RPRD1B: variants seen among roughly 807,000 people sequenced by gnomAD.
The protein encoded by RPRD1B is regulation of nuclear pre-mRNA domain-containing protein 1B.
In RPRD1B, 11 loss-of-function variants were observed where a neutral mutation model predicts 41.5. The observed-to-expected ratio is 0.27, with a 90% CI of 0.17 to 0.44. RPRD1B has a LOEUF of 0.44. Among genes scored for constraint, RPRD1B ranks in the 20% least tolerant of loss-of-function variants. The pLI, the probability that RPRD1B is intolerant of heterozygous loss-of-function variation, is 1.00. For missense variants in RPRD1B, 248 were observed against 389.9 expected, an observed-to-expected ratio of 0.64 and a Z score of 3.06; for synonymous variants, 158 against 155.6, an observed-to-expected ratio of 1.02 and a Z score of -0.12.
chr20:38,047,009 G>A (rs1351614103), intron 2 of RPRD1B, among the ~76,000 whole-genome samples: 2 of 152,212 alleles, frequency 1.3e-5, no homozygotes, highest in Non-Finnish European at 1.5e-5. Flanking sequence ...TGAGGCTACT[G>A]TAGTAATGCA....
intron 6 of RPRD1B, among the ~76,000 whole-genome samples, chr20:38,076,922 T>C (rs1036305137): frequency 1.0e-4 from 12 of 117,340 alleles, no homozygotes; most frequent in Non-Finnish European, 2.2e-4. Flanking sequence ...TTTTTTTTTT[T>C]TTTTTTTTTT....
At chr20:38,040,140 T>A (rs1367934224) in intron 1 of RPRD1B, among the ~76,000 whole-genome samples, 1 of 152,258 alleles carries the variant, frequency 6.6e-6, no homozygotes, top group East Asian at 1.9e-4. Flanking sequence ...TAACACTGAC[T>A]GCTTATCCTT....
At chr20:38,040,318 C>T (rs1043480888) in intron 1 of RPRD1B, 117 bp from the exon 2 acceptor site, 5 of 664,624 alleles carry the variant, frequency 7.5e-6, no homozygotes, top group African/African-American at 5.7e-5. Context: ...ATCTACTTGA[C>T]CCCCCAGGTA....
At chr20:38,043,995 T>A (rs1448537744) in intron 2 of RPRD1B, among the ~76,000 whole-genome samples, 1 of 152,142 alleles carries the variant, frequency 6.6e-6, no homozygotes, top group African/African-American at 2.4e-5. Context: ...CCACATGATA[T>A]TTACTTATTG....
rs2074594298 is a variant in RPRD1B at position 38,089,591 on chromosome 20, T to TA, written c.832-134dup. 13 of 665,036 alleles carry TA rather than the reference T, an allele frequency of 2.0e-5. No homozygotes were observed. In the South Asian group the frequency reaches 3.1e-4, roughly 16 times the overall value. The allele number at this position is 665,036 out of a possible 1,614,324, so 41.2% of individuals were successfully genotyped here. A position where few individuals can be genotyped will look rare whatever the true frequency, so the allele number is the denominator to read the frequency against. On this transcript the variant is annotated intron_variant, in intron 6 of 6. Coordinates refer to ENST00000373433, the MANE Select transcript of RPRD1B (RefSeq NM_021215.4). ...AGCATTTGAAGCCCTAGCTTTGTGATATAGCTGAACAGGGTGGGCAGGCTG... is the reference window on the plus strand; with the variant it reads ...AGCATTTGAAGCCCTAGCTTTGTGATAATAGCTGAACAGGGTGGGCAGGCTG...
intron 6 of RPRD1B, among the ~76,000 whole-genome samples, chr20:38,069,949 C>A (rs2074395485): frequency 6.6e-6 from 1 of 152,144 alleles, no homozygotes; most frequent in Admixed American, 6.5e-5. Context: ...CATATTTGTT[C>A]CTCAGTAAAT....
chr20:38,046,498 G>A (rs191524903), intron 2 of RPRD1B, among the ~76,000 whole-genome samples: 28 of 152,302 alleles, frequency 1.8e-4, no homozygotes, highest in Non-Finnish European at 3.1e-4. Flanking sequence ...AATGGAAAGC[G>A]TGTAAACAAA....
rs1217498813 is a variant in RPRD1B at position 38,090,223 on chromosome 20, T to C, written c.*348T>C. On this transcript the variant is annotated 3_prime_UTR_variant, in exon 7 of 7. Coordinates refer to ENST00000373433, the MANE Select transcript of RPRD1B (RefSeq NM_021215.4). ...CTTCTGGAAGCTTTCGAAAGAATCT[T>C]GTCCCTCATGACAGCATTTTATCAT... 4 of 1,003,798 alleles carry C rather than the reference T, an allele frequency of 4.0e-6. No homozygotes were observed. The highest frequency in any genetic ancestry group is 4.8e-6 in the Non-Finnish European group (4 of 841,628). 62.2% of individuals were successfully genotyped at this position (1,003,798 alleles called of 1,614,324 possible).
At chr20:38,065,999 G>A (rs138163206) in intron 5 of RPRD1B, 82 bp from the exon 6 acceptor site, 5 of 1,390,232 alleles carry the variant, frequency 3.6e-6, no homozygotes, top group East Asian at 2.3e-5. Context: ...GAGAGAAACC[G>A]TTAACCTCCC....
intron 3 of RPRD1B, among the ~76,000 whole-genome samples, chr20:38,052,052 C>T (rs1471999930): frequency 6.6e-6 from 1 of 152,180 alleles, no homozygotes; most frequent in Admixed American, 6.5e-5. Context: ...CACCCGGCCC[C>T]TAGCTGTCAT....
chr20:38,045,297 A>G (rs2074109949), intron 2 of RPRD1B, among the ~76,000 whole-genome samples: 1 of 152,186 alleles, frequency 6.6e-6, no homozygotes, highest in South Asian at 2.1e-4. Context: ...ACAACCTGAA[A>G]ATATTTCTCT....
At position 38,052,404 on chromosome 20, in the gene RPRD1B, C is replaced by T. The variant is rs568707986; in HGVS notation, c.415+3923C>T. 3.3e-5 allele frequency among the ~76,000 whole-genome samples: 5 copies of T among 152,294 alleles called. No individual in the cohort carries two copies. In the East Asian group the frequency reaches 5.8e-4, roughly 18 times the overall value. On this transcript the variant is annotated intron_variant, in intron 3 of 6. Transcript: ENST00000373433. ...TCCCTGGGTTTATGCCTGGATTTGG[C>T]TACTCAGTTCAGTGAGATGATAAGG...
At chr20:38,049,701 G>A (rs1194975602) in intron 3 of RPRD1B, 1 of 471,004 alleles carries the variant, frequency 2.1e-6, no homozygotes, top group Non-Finnish European at 4.4e-6. Flanking sequence ...ATCAAATGTT[G>A]TTTAGTTACT....
chr20:38,067,217 G>A (rs770636805), intron 6 of RPRD1B, among the ~76,000 whole-genome samples: 2 of 152,286 alleles, frequency 1.3e-5, no homozygotes, highest in African/African-American at 4.8e-5. Flanking sequence ...ACTTGCTCCC[G>A]TGGGATAACA....
In RPRD1B at chr20:38,076,079, T is replaced by C. The variant is rs146524510; in HGVS notation, c.831+9823T>C. Among the ~76,000 whole-genome samples the C allele has an allele frequency of 8.3e-3, 1,271 of 152,348 alleles. 10 individuals carry two copies. The highest frequency in any genetic ancestry group is 0.025 in the African/African-American group (1,043 of 41,578). Reference sequence around the variant, plus strand: ...ACAGTAATTATGAATGGACAAATCCTACTTTTACTCATGATGTCCTTTTCC... The same window carrying C: ...ACAGTAATTATGAATGGACAAATCCCACTTTTACTCATGATGTCCTTTTCC... On this transcript the variant is annotated intron_variant, in intron 6 of 6. Transcript: ENST00000373433.
chr20:38,071,564 G>C (rs1253023621), intron 6 of RPRD1B, among the ~76,000 whole-genome samples: 1 of 152,170 alleles, frequency 6.6e-6, no homozygotes, highest in Non-Finnish European at 1.5e-5. Flanking sequence ...TCTAGGAGTG[G>C]AATTGCTGGG....
intron 6 of RPRD1B, among the ~76,000 whole-genome samples, chr20:38,083,637 A>C (rs1204312468): frequency 6.6e-6 from 1 of 152,174 alleles, no homozygotes; most frequent in Non-Finnish European, 1.5e-5. Flanking sequence ...TCCCATTTGG[A>C]GTTTCCCGTG....
In RPRD1B at chr20:38,066,071, T is replaced by A. The variant is rs2074351509; in HGVS notation, c.656-10T>A. ...TATTTTCTCTATTTTTTGGTCTCAT[T>A]TGTACTTAGACAAAGAGGCAGCTGA... On this transcript the variant is annotated splice_polypyrimidine_tract_variant and intron_variant, in intron 5 of 6. Transcript: ENST00000373433. 6.2e-7 allele frequency: 1 copy of A among 1,613,626 alleles called. No homozygotes were observed. Among genetic ancestry groups the A allele is most frequent in the Admixed American group, 1.7e-5 (1 of 59,992 alleles).
intron 1 of RPRD1B, among the ~76,000 whole-genome samples, chr20:38,040,185 A>G (rs1009333729): frequency 6.6e-6 from 1 of 151,998 alleles, no homozygotes. Context: ...AATTTTTACT[A>G]TCAATTAATT....
Sources: gnomAD v4.1 joint callset for allele counts (sites outside exome capture counted in the v4.1 genomes callset) on GRCh38, gnomAD v4.1.1 for gene constraint, MANE v1.5 for transcripts, NCBI Gene and HGNC (gene_info 2026-07-23, HGNC 2026-07-21) for gene names.